The following MAP7 variants were observed in gnomAD, a reference collection of about 807,000 sequenced individuals.
MAP7 encodes the protein ensconsin.
In MAP7, 52 loss-of-function variants were observed where a neutral mutation model predicts 94.8. The ratio of observed to expected loss-of-function variants is 0.55; its 90% CI spans 0.44 to 0.69. The LOEUF is 0.69. Ranked by LOEUF, MAP7 falls within the 30% of genes least tolerant of loss-of-function variation. The probability of loss-of-function intolerance (pLI) is 0.00; values close to 1 mark genes in which losing one functional copy is unlikely to be tolerated. For synonymous variants in MAP7, 350 were observed against 357.0 expected (o/e 0.98, Z 0.22); for missense variants, 940 against 964.6 (o/e 0.97, Z 0.34).
At chr6:136,502,651 T>C (rs987350464) in intron 1 of MAP7, among the ~76,000 whole-genome samples, 10 of 152,184 alleles carry the variant, frequency 6.6e-5, no homozygotes, top group Admixed American at 2.6e-4. Flanking sequence ...CGATATTTTG[T>C]AGGGGCTGAT....
At chr6:136,401,694 T>A (rs1225461889) in intron 3 of MAP7, among the ~76,000 whole-genome samples, 1 of 151,722 alleles carries the variant, frequency 6.6e-6, no homozygotes, top group African/African-American at 2.4e-5. Flanking sequence ...GATGAGTTAA[T>A]GGGTGCAGCA....
intron 1 of MAP7, among the ~76,000 whole-genome samples, chr6:136,454,191 C>T (rs1314894447): frequency 6.6e-6 from 1 of 152,114 alleles, no homozygotes; most frequent in Non-Finnish European, 1.5e-5. Context: ...AGAATTCATT[C>T]ATCATTGGAC....
At chr6:136,406,252 A>T (rs141515096) in intron 3 of MAP7, among the ~76,000 whole-genome samples, 121 of 152,318 alleles carry the variant, frequency 7.9e-4, no homozygotes, top group Non-Finnish European at 1.6e-3. Context: ...AGTTTTCTCA[A>T]AGCAGATCTC....
At position 136,532,623 on chromosome 6, in the gene MAP7, AT is replaced by A. The variant is rs59064974; in HGVS notation, c.67+17718del. Among the ~76,000 whole-genome samples the A allele has an allele frequency of 6.0e-3, 876 of 146,530 alleles. 4 individuals carry two copies. The highest frequency in any genetic ancestry group is 0.014 in the Middle Eastern group (4 of 276). On this transcript the variant is annotated intron_variant, in intron 1 of 17. Coordinates refer to ENST00000354570, the MANE Select transcript of MAP7 (RefSeq NM_003980.6). ...GATTAATGCACTGTTTACAGGTTGA[AT>A]TTTTTTTTTTTTTAATCTCTAGAGC...
intron 6 of MAP7, among the ~76,000 whole-genome samples, chr6:136,383,013 C>T (rs1778223330): frequency 6.6e-6 from 1 of 152,092 alleles, no homozygotes; most frequent in Non-Finnish European, 1.5e-5. Context: ...ACTCAACATT[C>T]ATGTACTGTA....
At chr6:136,481,781 C>T (rs1463471782) in intron 1 of MAP7, among the ~76,000 whole-genome samples, 1 of 151,992 alleles carries the variant, frequency 6.6e-6, no homozygotes, top group Non-Finnish European at 1.5e-5. Flanking sequence ...GTTTGTTACA[C>T]AAAGAAAGAA....
intron 5 of MAP7, among the ~76,000 whole-genome samples, chr6:136,384,142 G>C (rs1778532196): frequency 1.3e-5 from 2 of 152,120 alleles, no homozygotes; most frequent in African/African-American, 4.8e-5. Flanking sequence ...CCAAAAGAAG[G>C]AACAATGGAG....
At position 136,448,729 on chromosome 6, in the gene MAP7, T is replaced by C. The variant is rs181582995; in HGVS notation, c.68-26930A>G. On this transcript the variant is annotated intron_variant, in intron 1 of 17. Coordinates refer to ENST00000354570, the MANE Select transcript of MAP7 (RefSeq NM_003980.6). Reference sequence around the variant, plus strand: ...GCCTAGCAATGCCTATGAATTCTTATAAAGGACTCCCATTCTACAAAATGG... The same window carrying C: ...GCCTAGCAATGCCTATGAATTCTTACAAAGGACTCCCATTCTACAAAATGG... 3.5e-3 allele frequency among the ~76,000 whole-genome samples: 534 copies of C among 152,088 alleles called. 3 individuals are homozygous for C. Among genetic ancestry groups the C allele is most frequent in the African/African-American group, 0.012 (512 of 41,502 alleles).
At chr6:136,460,438 T>A (rs1264966808) in intron 1 of MAP7, among the ~76,000 whole-genome samples, 2 of 152,200 alleles carry the variant, frequency 1.3e-5, no homozygotes, top group African/African-American at 4.8e-5. Flanking sequence ...CATTTACTTA[T>A]TATACACATG....
chr6:136,377,800 A>C lies in MAP7; in HGVS notation c.706T>G (p.Phe236Val). Reference sequence around the variant, plus strand: ...GCTGTGCTTTTACTTCTGGCCAGGAACGAATGTGTGGGCGTCAGGAGTCTG... The same window carrying C: ...GCTGTGCTTTTACTTCTGGCCAGGACCGAATGTGTGGGCGTCAGGAGTCTG... The part of the protein sequence containing the change: ...VNRLLTPTHS[F>V]LARSKSTAAL... Residue 236 changes from phenylalanine to valine, a missense_variant, in exon 7 of 18, where the codon TTC becomes GTC. By Grantham distance (50) the Phe-to-Val change is conservative (BLOSUM62 -1). Coordinates refer to ENST00000354570, the MANE Select transcript of MAP7 (RefSeq NM_003980.6). 6.2e-7 allele frequency: 1 copy of C among 1,614,136 alleles called. No homozygotes were observed. The highest frequency in any genetic ancestry group is 8.5e-7 in the Non-Finnish European group (1 of 1,179,990).
At chr6:136,483,970 T>C (rs1005387685) in intron 1 of MAP7, among the ~76,000 whole-genome samples, 1 of 152,204 alleles carries the variant, frequency 6.6e-6, no homozygotes, top group Non-Finnish European at 1.5e-5. Context: ...AAAGAGCAAT[T>C]TGAAGGTGAA....
At chr6:136,423,421 A>G (rs1254477878) in intron 1 of MAP7, among the ~76,000 whole-genome samples, 1 of 152,182 alleles carries the variant, frequency 6.6e-6, no homozygotes, top group Non-Finnish European at 1.5e-5. Context: ...CTCTTCAGGA[A>G]ACTGGGCTTC....
At chr6:136,523,464 G>C (rs1485671849) in intron 1 of MAP7, among the ~76,000 whole-genome samples, 2 of 152,244 alleles carry the variant, frequency 1.3e-5, no homozygotes, top group Admixed American at 6.5e-5. Context: ...GTATTGGACA[G>C]TGCATATACA....
Position 136,518,094 on chromosome 6 carries a change from C to T in MAP7, c.67+32248G>A, listed in dbSNP as rs3799456. Among the ~76,000 whole-genome samples, 1,888 of 152,266 alleles carry T rather than the reference C, an allele frequency of 0.012. 82 individuals are homozygous for T. In the East Asian group the frequency reaches 0.14, roughly 11 times the overall value. ...TTAGGAGTATGGAGGTGGCTCGAGCCTCCATACTGTTGTTCCAATAATGGT... is the reference window on the plus strand; with the variant it reads ...TTAGGAGTATGGAGGTGGCTCGAGCTTCCATACTGTTGTTCCAATAATGGT... On this transcript the variant is annotated intron_variant, in intron 1 of 17. Coordinates refer to ENST00000354570, the MANE Select transcript of MAP7 (RefSeq NM_003980.6).
chr6:136,466,099 C>T (rs903873700), intron 1 of MAP7, among the ~76,000 whole-genome samples: 5 of 152,066 alleles, frequency 3.3e-5, no homozygotes, highest in African/African-American at 1.2e-4. Context: ...ATGTGTGACT[C>T]ACTGTTTACA....
At position 136,411,674 on chromosome 6, in the gene MAP7, CAACACGT is replaced by C; in HGVS notation, c.183_189del (p.Arg62MetfsTer18). ...TCCCGGGCCAGCCGCTGCCGGTCAT[CAACACGT>C]AACACAGGCGGAGGGTCTGAAAGCG... On this transcript the variant is annotated frameshift_variant, in exon 3 of 18. Coordinates refer to ENST00000354570, the MANE Select transcript of MAP7 (RefSeq NM_003980.6). LOFTEE classifies it high-confidence loss of function. The C allele has an allele frequency of 2.6e-6, 4 of 1,566,686 alleles. No individual in the cohort carries two copies. The highest frequency in any genetic ancestry group is 3.5e-6 in the Non-Finnish European group (4 of 1,154,330).
At chr6:136,517,385 A>T (rs72979510) in intron 1 of MAP7, among the ~76,000 whole-genome samples, 2,706 of 152,344 alleles carry the variant, frequency 0.018, 38 homozygotes, top group Non-Finnish European at 0.026. Context: ...AAGGTTTGGC[A>T]CAGACAAGCA....
At position 136,381,376 on chromosome 6, in the gene MAP7, G is replaced by A. The variant is rs542140579; in HGVS notation, c.637+2295C>T. On this transcript the variant is annotated intron_variant, in intron 6 of 17. Coordinates refer to ENST00000354570, the MANE Select transcript of MAP7 (RefSeq NM_003980.6). ...GTATTTTTAGTAGAGATGGGGTTTCGCGATGGTGCCCAGGCTGGTCTCAAA... is the reference window on the plus strand; with the variant it reads ...GTATTTTTAGTAGAGATGGGGTTTCACGATGGTGCCCAGGCTGGTCTCAAA... Among the ~76,000 whole-genome samples the A allele has an allele frequency of 7.9e-5, 12 of 151,764 alleles. No homozygotes were observed. The South Asian group carries it at 1.5e-3, about 18-fold the overall frequency.
chr6:136,528,537 C>T (rs1453828779), intron 1 of MAP7, among the ~76,000 whole-genome samples: 1 of 151,890 alleles, frequency 6.6e-6, no homozygotes, highest in African/African-American at 2.4e-5. Flanking sequence ...CATAACAAAA[C>T]AAAAAAGCAA....
Sources: allele counts gnomAD v4.1 joint callset (sites outside exome capture counted in the v4.1 genomes callset), GRCh38; gene constraint gnomAD v4.1.1; transcripts MANE v1.5; gene names NCBI Gene and HGNC (gene_info 2026-07-23, HGNC 2026-07-21).